SORBS2: variants seen among roughly 807,000 people sequenced by gnomAD.
The protein encoded by SORBS2 is sorbin and SH3 domain-containing protein 2.
A neutral mutation model predicts 97.7 loss-of-function variants in SORBS2; 46 were observed. The observed-to-expected ratio is 0.47, with a 90% CI of 0.37 to 0.60. SORBS2 has a LOEUF of 0.60. Among genes scored for constraint, SORBS2 ranks in the 20% least tolerant of loss-of-function variants. The probability of loss-of-function intolerance (pLI) is 0.00; values close to 1 mark genes in which losing one functional copy is unlikely to be tolerated. For missense variants in SORBS2, 1,316 were observed against 1,282.3 expected, an observed-to-expected ratio of 1.03 and a Z score of -0.40; for synonymous variants, 476 against 473.4, an observed-to-expected ratio of 1.01 and a Z score of -0.07.
chr4:185,941,302 A>G (rs916212649), intron 1 of SORBS2, among the ~76,000 whole-genome samples: 1 of 152,232 alleles, frequency 6.6e-6, no homozygotes, highest in African/African-American at 2.4e-5. Flanking sequence ...TTGGAGAGCT[A>G]GAATTTGAAT....
In SORBS2 at chr4:185,750,106, C is replaced by T. The variant is rs143190757; in HGVS notation, c.-198+25121G>A. On this transcript the variant is annotated intron_variant, in intron 2 of 20. Coordinates refer to the SORBS2 transcript ENST00000284776. ...CGTGCAGTGGACTAAAGCTGGACGC[C>T]GGAGTGTCCCACAGACCCAGGTTAG... Among the ~76,000 whole-genome samples the T allele has an allele frequency of 3.7e-3, 558 of 152,342 alleles. 2 individuals carry two copies. The highest frequency in any genetic ancestry group is 0.012 in the African/African-American group (497 of 41,582).
At chr4:185,661,310 T>TG (rs2097516535), upstream of SORBS2, among the ~76,000 whole-genome samples, 1 of 152,004 alleles carries the variant, frequency 6.6e-6, no homozygotes, top group African/African-American at 2.4e-5. Flanking sequence ...CACATTATTT[T>TG]CTGAACTATC....
chr4:185,681,880 A>G (rs1376952474), intron 2 of SORBS2, among the ~76,000 whole-genome samples: 9 of 152,296 alleles, frequency 5.9e-5, no homozygotes, highest in Admixed American at 3.9e-4. Flanking sequence ...CTCTACTCTC[A>G]GGTTTTATTT....
At chr4:185,676,468 C>T (rs1019774787) in intron 4 of SORBS2, among the ~76,000 whole-genome samples, 2 of 152,144 alleles carry the variant, frequency 1.3e-5, no homozygotes, top group African/African-American at 4.8e-5. Flanking sequence ...TTGGCTAATA[C>T]ACTTTCTGAA....
At chr4:185,885,132 A>C (rs2099238752) in intron 1 of SORBS2, among the ~76,000 whole-genome samples, 1 of 152,252 alleles carries the variant, frequency 6.6e-6, no homozygotes. Context: ...ACAGATACTC[A>C]TAAGCTCACA....
chr4:185,672,355 C>A (rs2097725649), intron 4 of SORBS2, among the ~76,000 whole-genome samples: 1 of 152,124 alleles, frequency 6.6e-6, no homozygotes, highest in African/African-American at 2.4e-5. Flanking sequence ...ACGGACAGGA[C>A]AAGCTTATCT....
intron 1 of SORBS2, among the ~76,000 whole-genome samples, chr4:185,853,486 G>A (rs907355397): frequency 6.6e-6 from 1 of 152,098 alleles, no homozygotes; most frequent in African/African-American, 2.4e-5. Context: ...GGGCCAATTA[G>A]GGCAGCTGGA....
chr4:185,741,398 T>G (rs1326515331), intron 2 of SORBS2, among the ~76,000 whole-genome samples: 14 of 114,514 alleles, frequency 1.2e-4, no homozygotes, highest in African/African-American at 4.8e-4. Context: ...CTTTTCTTTT[T>G]TTTTTGTTTT....
chr4:185,624,362 A>G (rs954737868), exon 7 of SORBS2: 1 of 1,614,180 alleles, frequency 6.2e-7, no homozygotes, highest in Non-Finnish European at 8.5e-7. Flanking sequence ...CTTGAAACTA[A>G]TGGCTCTTGG....
At chr4:185,723,741 T>A (rs900790117) in intron 2 of SORBS2, among the ~76,000 whole-genome samples, 2 of 152,222 alleles carry the variant, frequency 1.3e-5, no homozygotes, top group African/African-American at 4.8e-5. Flanking sequence ...TTCCACTATC[T>A]CTGTGGAGTT....
At chr4:185,922,317 G>C (rs2099261287) in intron 1 of SORBS2, among the ~76,000 whole-genome samples, 2 of 152,148 alleles carry the variant, frequency 1.3e-5, no homozygotes, top group Admixed American at 1.3e-4. Context: ...GCATCACTCA[G>C]AATGATTTCT....
chr4:185,603,786 T>A (rs2096334974), intron 12 of SORBS2, among the ~76,000 whole-genome samples: 1 of 152,232 alleles, frequency 6.6e-6, no homozygotes, highest in Non-Finnish European at 1.5e-5. Flanking sequence ...AATAATTTTT[T>A]AAAAATAGTA....
chr4:185,836,742 G>C lies in SORBS2; in HGVS notation c.-337-61376C>G, dbSNP rs187906409. Among the ~76,000 whole-genome samples, 452 of 152,204 alleles carry C rather than the reference G, an allele frequency of 3.0e-3. 25 individuals are homozygous for C. The South Asian group carries it at 0.083, about 28-fold the overall frequency. On this transcript the variant is annotated intron_variant, in intron 1 of 20. Transcript: ENST00000284776. ...AACTATAATGTCAGTCACACCCAAG[G>C]ATCAAATACCTCTTGTCCACATTAT...
chr4:185,954,765 C>G (rs112399503), intron 1 of SORBS2, among the ~76,000 whole-genome samples: 2,751 of 152,200 alleles, frequency 0.018, 78 homozygotes, highest in African/African-American at 0.063. Flanking sequence ...CGAGACAAGA[C>G]TGGTCAACAT....
chr4:185,690,724 T>C (rs1292523690), intron 2 of SORBS2, 113 bp from the exon 4 acceptor site: 5 of 488,468 alleles, frequency 1.0e-5, no homozygotes, highest in African/African-American at 9.5e-5. Context: ...ACATTATCAT[T>C]AGTCTTATTT....
chr4:185,851,131 A>G (rs773808356), intron 1 of SORBS2, among the ~76,000 whole-genome samples: 3 of 152,188 alleles, frequency 2.0e-5, no homozygotes, highest in African/African-American at 4.8e-5. Flanking sequence ...TATAAAACAT[A>G]TATTCTCTGG....
chr4:185,671,901 T>C (rs1189317889), intron 4 of SORBS2, among the ~76,000 whole-genome samples: 2 of 152,338 alleles, frequency 1.3e-5, no homozygotes, highest in African/African-American at 4.8e-5. Context: ...TATTGGGAGA[T>C]GTTGAAGAGG....
chr4:185,699,577 A>G (rs1389749588), intron 2 of SORBS2, among the ~76,000 whole-genome samples: 1 of 152,130 alleles, frequency 6.6e-6, no homozygotes, highest in East Asian at 1.9e-4. Flanking sequence ...GTGAGCCTCC[A>G]TGCCTGGCCA....
chr4:185,676,921 G>C, intron 4 of SORBS2: 1 of 1,230,406 alleles, frequency 8.1e-7, no homozygotes, highest in East Asian at 2.5e-5. Context: ...GGTCATATAA[G>C]AAGCCCAAAC....
Sources: gnomAD v4.1 joint callset for allele counts (sites outside exome capture counted in the v4.1 genomes callset) on GRCh38, gnomAD v4.1.1 for gene constraint, MANE v1.5 for transcripts, NCBI Gene and HGNC (gene_info 2026-07-23, HGNC 2026-07-21) for gene names.